MSI2: variants seen among roughly 807,000 people sequenced by gnomAD.
MSI2 encodes the protein RNA-binding protein Musashi homolog 2.
In MSI2, 17 loss-of-function variants were observed where a neutral mutation model predicts 45.6. That is an observed-to-expected ratio of 0.37 (90% CI 0.26 to 0.56). The LOEUF (loss-of-function observed/expected upper bound fraction) is 0.56. Ranked by LOEUF, MSI2 falls within the 20% of genes least tolerant of loss-of-function variation. The probability of loss-of-function intolerance (pLI) is 0.77; values close to 1 mark genes in which losing one functional copy is unlikely to be tolerated. For synonymous variants in MSI2, 156 were observed against 158.2 expected (o/e 0.99, Z 0.11); for missense variants, 293 against 444.2 (o/e 0.66, Z 3.06).
intron 5 of MSI2, among the ~76,000 whole-genome samples, chr17:57,400,896 G>A (rs527396169): frequency 7.9e-5 from 12 of 152,218 alleles, no homozygotes; most frequent in Middle Eastern, 3.4e-3. Flanking sequence ...CGAGGTCAGC[G>A]TCTGTGTTGC....
intron 8 of MSI2, among the ~76,000 whole-genome samples, chr17:57,608,684 C>T (rs1906917703): frequency 2.0e-5 from 3 of 152,184 alleles, no homozygotes; most frequent in Admixed American, 6.5e-5. Context: ...GACCCCTTGT[C>T]GTCTTTTTGT....
intron 5 of MSI2, among the ~76,000 whole-genome samples, chr17:57,361,840 G>A (rs749866471): frequency 5.2e-4 from 79 of 152,286 alleles, no homozygotes; most frequent in Non-Finnish European, 9.6e-4. Context: ...TTGACTGTAC[G>A]TTCTGAGCCC....
intron 5 of MSI2, among the ~76,000 whole-genome samples, chr17:57,383,431 T>C (rs1047564473): frequency 2.0e-5 from 3 of 152,124 alleles, no homozygotes; most frequent in Non-Finnish European, 2.9e-5. Flanking sequence ...CCAAGGCGGG[T>C]GGATCACCTG....
intron 7 of MSI2, among the ~76,000 whole-genome samples, chr17:57,539,057 T>G (rs56299950): frequency 0.11 from 16,811 of 152,284 alleles, 1,192 homozygotes; most frequent in Non-Finnish European, 0.17. Context: ...CATATGCAGA[T>G]GTACATACAT....
At chr17:57,381,406 C>T (rs1173003513) in intron 5 of MSI2, among the ~76,000 whole-genome samples, 1 of 152,158 alleles carries the variant, frequency 6.6e-6, no homozygotes, top group African/African-American at 2.4e-5. Flanking sequence ...AAATATCTCC[C>T]CTTCCTTGAA....
intron 5 of MSI2, among the ~76,000 whole-genome samples, chr17:57,309,681 T>A (rs1467396120): frequency 6.6e-6 from 1 of 152,090 alleles, no homozygotes; most frequent in Non-Finnish European, 1.5e-5. Flanking sequence ...GGAAAGCAGG[T>A]GTTAGTGCCA....
intron 8 of MSI2, among the ~76,000 whole-genome samples, chr17:57,606,760 G>C (rs1906625027): frequency 6.6e-6 from 1 of 152,172 alleles, no homozygotes; most frequent in South Asian, 2.1e-4. Context: ...GGAAACAATG[G>C]ATGAAATTAA....
At chr17:57,370,577 C>T (rs1224835581) in intron 5 of MSI2, among the ~76,000 whole-genome samples, 1 of 152,158 alleles carries the variant, frequency 6.6e-6, no homozygotes, top group African/African-American at 2.4e-5. Context: ...TCCTGGGATT[C>T]AATGATGGCC....
chr17:57,293,669 C>T (rs148128405), intron 5 of MSI2, among the ~76,000 whole-genome samples: 5,023 of 144,694 alleles, frequency 0.035, 160 homozygotes, highest in East Asian at 0.18. Flanking sequence ...AGTGCAATGG[C>T]GCAATCTCGG....
chr17:57,345,973 G>A (rs1266882116), intron 5 of MSI2, among the ~76,000 whole-genome samples: 1 of 151,884 alleles, frequency 6.6e-6, no homozygotes, highest in Non-Finnish European at 1.5e-5. Context: ...CTTATTTTTT[G>A]AAATGTATCA....
intron 7 of MSI2, among the ~76,000 whole-genome samples, chr17:57,541,151 TAGAGAGAGAGAG>T (rs55999583): frequency 1.3e-5 from 2 of 149,016 alleles, no homozygotes; most frequent in Admixed American, 6.7e-5. Context: ...TACATTTTGG[TAGAGAGAGAGAG>T]AGAGAGAGAG....
intron 4 of MSI2, among the ~76,000 whole-genome samples, chr17:57,259,715 C>T (rs556478422): frequency 6.6e-6 from 1 of 152,310 alleles, no homozygotes; most frequent in Non-Finnish European, 1.5e-5. Context: ...ATTTTTCTCT[C>T]CTTGATTTCG....
At chr17:57,348,694 A>G (rs1015921377) in intron 5 of MSI2, among the ~76,000 whole-genome samples, 1 of 152,160 alleles carries the variant, frequency 6.6e-6, no homozygotes, top group African/African-American at 2.4e-5. Flanking sequence ...ATGCTTGTAC[A>G]GCCTGAAGAA....
At chr17:57,380,530 A>G (rs1200424865) in intron 5 of MSI2, among the ~76,000 whole-genome samples, 5 of 152,198 alleles carry the variant, frequency 3.3e-5, no homozygotes, top group Non-Finnish European at 5.9e-5. Flanking sequence ...AGCGGGGGCA[A>G]GCTGGGGGAC....
At chr17:57,516,129 T>C (rs1019494909) in intron 6 of MSI2, among the ~76,000 whole-genome samples, 7 of 152,198 alleles carry the variant, frequency 4.6e-5, no homozygotes, top group Non-Finnish European at 7.3e-5. Context: ...TAACTATCAC[T>C]ACAATCAGGA....
intron 5 of MSI2, among the ~76,000 whole-genome samples, chr17:57,397,088 G>A (rs1220826065): frequency 1.3e-5 from 2 of 152,170 alleles, no homozygotes; most frequent in African/African-American, 4.8e-5. Context: ...TCACTGTGGA[G>A]CTGAGTGGGG....
At chr17:57,581,791 T>C (rs187587418) in intron 7 of MSI2, among the ~76,000 whole-genome samples, 2 of 152,366 alleles carry the variant, frequency 1.3e-5, no homozygotes, top group East Asian at 3.9e-4. Flanking sequence ...CTACTTTCTG[T>C]TAATTAACAA....
intron 5 of MSI2, among the ~76,000 whole-genome samples, chr17:57,340,107 A>G (rs1915005235): frequency 6.6e-6 from 1 of 152,152 alleles, no homozygotes. Context: ...CATTTGCCCT[A>G]GGTTGGCTTA....
Position 57,330,637 on chromosome 17 carries a change from CTT to C in MSI2, c.312+68448_312+68449del, listed in dbSNP as rs201658645. ...CTGCATGATTCAGATCCTGTGAAGA[CTT>C]TTGTCTCTCAGGCGTTCCGCATCCA... is the stretch of plus-strand genomic sequence containing the variant. On this transcript the variant is annotated intron_variant, in intron 5 of 13. Coordinates refer to ENST00000284073, the MANE Select transcript of MSI2 (RefSeq NM_138962.4). Among the ~76,000 whole-genome samples, 1,420 of 152,160 alleles carry C rather than the reference CTT, an allele frequency of 9.3e-3. 6 individuals carry two copies. The highest frequency in any genetic ancestry group is 0.019 in the South Asian group (92 of 4,814).
Sources: gnomAD v4.1 joint callset for allele counts (sites outside exome capture counted in the v4.1 genomes callset) on GRCh38, gnomAD v4.1.1 for gene constraint, MANE v1.5 for transcripts, NCBI Gene and HGNC (gene_info 2026-07-23, HGNC 2026-07-21) for gene names.